NRG3: variants seen among roughly 807,000 people sequenced by gnomAD.
The protein encoded by NRG3 is neuregulin 3, also known as pro-neuregulin-3, membrane-bound isoform.
In NRG3, 31 loss-of-function variants were observed where a neutral mutation model predicts 66.9. The ratio of observed to expected loss-of-function variants is 0.46; its 90% CI spans 0.35 to 0.63. The LOEUF (loss-of-function observed/expected upper bound fraction) is 0.63, where lower values mean the gene tolerates loss of function less well. NRG3 is among the 20% of genes least tolerant of loss of function. The pLI, the probability that NRG3 is intolerant of heterozygous loss-of-function variation, is 0.00. For missense variants in NRG3, 910 were observed against 878.9 expected (o/e 1.04, Z -0.45); for synonymous variants, 393 against 359.4 (o/e 1.09, Z -1.06).
At chr10:81,924,833 G>C (rs779732769) in intron 1 of NRG3, among the ~76,000 whole-genome samples, 3 of 152,078 alleles carry the variant, frequency 2.0e-5, no homozygotes, top group Non-Finnish European at 4.4e-5. Context: ...GTTTAATTGA[G>C]TGGATTTCCT....
At chr10:82,951,996 A>C (rs561225592) in intron 5 of NRG3, among the ~76,000 whole-genome samples, 1 of 152,258 alleles carries the variant, frequency 6.6e-6, no homozygotes, top group South Asian at 2.1e-4. Context: ...TCAGTTTTTC[A>C]TAAAGATTTT....
intron 1 of NRG3, among the ~76,000 whole-genome samples, chr10:82,141,914 C>T (rs1282841757): frequency 2.0e-5 from 3 of 152,124 alleles, no homozygotes; most frequent in Non-Finnish European, 2.9e-5. Context: ...GTGCATACTA[C>T]GTGAAGTTTT....
At chr10:82,522,646 T>TA (rs1012711460) in intron 2 of NRG3, among the ~76,000 whole-genome samples, 5 of 151,206 alleles carry the variant, frequency 3.3e-5, no homozygotes, top group Non-Finnish European at 4.4e-5. Flanking sequence ...CGTCAATTTG[T>TA]AAAAAATGCA....
At chr10:82,980,389 A>G (rs1278634245) in intron 8 of NRG3, among the ~76,000 whole-genome samples, 2 of 152,160 alleles carry the variant, frequency 1.3e-5, no homozygotes, top group African/African-American at 4.8e-5. Context: ...TTCAAGTGCA[A>G]TGCAATCAGG....
intron 2 of NRG3, among the ~76,000 whole-genome samples, chr10:82,383,319 G>A (rs2085748250): frequency 6.6e-6 from 1 of 150,918 alleles, no homozygotes; most frequent in Admixed American, 6.6e-5. Flanking sequence ...AAGATTTTCT[G>A]TCCCCAAATG....
intron 2 of NRG3, among the ~76,000 whole-genome samples, chr10:82,648,376 G>A (rs1181513765): frequency 2.6e-5 from 4 of 151,872 alleles, no homozygotes; most frequent in African/African-American, 7.3e-5. Flanking sequence ...CTCTGTTTTG[G>A]TACCAGTACC....
At chr10:82,821,183 G>A (rs1362839425) in intron 3 of NRG3, among the ~76,000 whole-genome samples, 1 of 152,114 alleles carries the variant, frequency 6.6e-6, no homozygotes, top group Non-Finnish European at 1.5e-5. Context: ...GAGCCACACA[G>A]CTGAGCTGCC....
intron 1 of NRG3, among the ~76,000 whole-genome samples, chr10:82,121,386 T>G (rs1270961057): frequency 6.6e-6 from 1 of 152,190 alleles, no homozygotes; most frequent in African/African-American, 2.4e-5. Flanking sequence ...TGTCTTGGTT[T>G]CCTCAGTTTT....
intron 2 of NRG3, among the ~76,000 whole-genome samples, chr10:82,457,053 AC>A (rs2091297608): frequency 6.6e-6 from 1 of 152,112 alleles, no homozygotes; most frequent in African/African-American, 2.4e-5. Flanking sequence ...CTTTGAAGTC[AC>A]CCTAGAGCTA....
intron 2 of NRG3, among the ~76,000 whole-genome samples, chr10:82,403,564 T>A (rs1372787514): frequency 6.6e-6 from 1 of 152,194 alleles, no homozygotes; most frequent in East Asian, 1.9e-4. Flanking sequence ...CAATGACATC[T>A]ATTTTAATGC....
At chr10:81,958,207 A>C (rs541560665) in intron 1 of NRG3, among the ~76,000 whole-genome samples, 25 of 152,142 alleles carry the variant, frequency 1.6e-4, no homozygotes, top group Non-Finnish European at 3.1e-4. Context: ...ATTAGTTTCC[A>C]TGTGGTATTG....
In NRG3 at chr10:82,483,089, G is replaced by A. The variant is rs11194631; in HGVS notation, c.953+124221G>A. 1.3e-3 allele frequency among the ~76,000 whole-genome samples: 199 copies of A among 152,184 alleles called. 1 individual carries two copies. The highest frequency in any genetic ancestry group is 4.7e-3 in the African/African-American group (194 of 41,530). On this transcript the variant is annotated intron_variant, in intron 2 of 8. Coordinates refer to ENST00000372141, the MANE Select transcript of NRG3 (RefSeq NM_001010848.4). ...CTGTCCAGGAAAGGCAGGGCAGATG[G>A]GCCCAAACAGATGAAAAAAAGTAAT... is the stretch of plus-strand genomic sequence containing the variant.
intron 1 of NRG3, among the ~76,000 whole-genome samples, chr10:82,153,193 A>C (rs2070912156): frequency 6.6e-6 from 1 of 151,966 alleles, no homozygotes; most frequent in African/African-American, 2.4e-5. Flanking sequence ...TTTGGTCAAC[A>C]TTGCACCTTT....
At position 82,752,853 on chromosome 10, in the gene NRG3, G is replaced by A. The variant is rs112063443; in HGVS notation, c.1027+14203G>A. Reference sequence around the variant, plus strand: ...TGATCTTGGACTTCCCAGCCTTTAGGATCATAATAAATAGATTTCTGTTAT... The same window carrying A: ...TGATCTTGGACTTCCCAGCCTTTAGAATCATAATAAATAGATTTCTGTTAT... On this transcript the variant is annotated intron_variant, in intron 3 of 8. Coordinates refer to ENST00000372141, the MANE Select transcript of NRG3 (RefSeq NM_001010848.4). Among the ~76,000 whole-genome samples the A allele has an allele frequency of 8.4e-3, 1,285 of 152,080 alleles. 14 individuals are homozygous for A. The highest frequency in any genetic ancestry group is 0.022 in the African/African-American group (898 of 41,500).
chr10:82,238,682 C>A (rs2133970096), intron 1 of NRG3, among the ~76,000 whole-genome samples: 1 of 151,786 alleles, frequency 6.6e-6, no homozygotes, highest in South Asian at 2.1e-4. Context: ...TGTGTGTGTT[C>A]TTACATGCAT....
intron 2 of NRG3, among the ~76,000 whole-genome samples, chr10:82,478,188 C>G (rs1001843182): frequency 2.6e-5 from 4 of 151,016 alleles, no homozygotes; most frequent in South Asian, 2.1e-4. Context: ...CACAAGACAG[C>G]TCCAGCTATT....
chr10:82,249,739 G>A (rs542595915), intron 1 of NRG3, among the ~76,000 whole-genome samples: 2 of 152,284 alleles, frequency 1.3e-5, no homozygotes, highest in Admixed American at 6.5e-5. Flanking sequence ...TGTTTACTAA[G>A]CACATGGAGA....
intron 3 of NRG3, among the ~76,000 whole-genome samples, chr10:82,835,297 T>C (rs947676231): frequency 1.3e-5 from 2 of 152,198 alleles, no homozygotes; most frequent in African/African-American, 2.4e-5. Context: ...GGAAATTTCA[T>C]ATAACTGGGT....
intron 1 of NRG3, among the ~76,000 whole-genome samples, chr10:81,887,449 C>G (rs932060459): frequency 1.3e-5 from 2 of 151,982 alleles, no homozygotes; most frequent in Admixed American, 1.3e-4. Context: ...CTGATCTATT[C>G]CAAGGATCAA....
Sources: allele counts gnomAD v4.1 joint callset (sites outside exome capture counted in the v4.1 genomes callset), GRCh38; gene constraint gnomAD v4.1.1; transcripts MANE v1.5; gene names NCBI Gene and HGNC (gene_info 2026-07-23, HGNC 2026-07-21).